MAP3K7CL: variants seen among roughly 807,000 people sequenced by gnomAD.
MAP3K7CL encodes the protein MAP3K7 C-terminal like, also known as MAP3K7 C-terminal-like protein.
In MAP3K7CL, 16 loss-of-function variants were observed where a neutral mutation model predicts 18.6. That is an observed-to-expected ratio of 0.86 (90% CI 0.58 to 1.31). The LOEUF (loss-of-function observed/expected upper bound fraction) is 1.31, where lower values mean the gene tolerates loss of function less well. Among genes scored for constraint, MAP3K7CL ranks in the 50% most tolerant of loss-of-function variants. The probability of loss-of-function intolerance (pLI) is 0.00; values close to 1 mark genes in which losing one functional copy is unlikely to be tolerated. For missense variants in MAP3K7CL, 163 were observed against 174.4 expected, an observed-to-expected ratio of 0.93 and a Z score of 0.37; for synonymous variants, 65 against 66.8, an observed-to-expected ratio of 0.97 and a Z score of 0.13.
intron 4 of MAP3K7CL, among the ~76,000 whole-genome samples, chr21:29,106,568 G>C (rs1442312715): frequency 6.6e-6 from 1 of 152,170 alleles, no homozygotes; most frequent in African/African-American, 2.4e-5. Context: ...CCCTTGCACT[G>C]ATCACAATCT....
chr21:29,173,881 T>C (rs2087903161), intron 4 of MAP3K7CL, among the ~76,000 whole-genome samples: 1 of 152,162 alleles, frequency 6.6e-6, no homozygotes, highest in Admixed American at 6.5e-5. Context: ...TCCCAATTTT[T>C]TGTAGAGATG....
At chr21:29,090,477 T>C (rs572832022) in intron 1 of MAP3K7CL, among the ~76,000 whole-genome samples, 68 of 152,122 alleles carry the variant, frequency 4.5e-4, no homozygotes, top group Non-Finnish European at 8.2e-4. Context: ...GCCTCCTGGG[T>C]TCACGCCATT....
At chr21:29,104,929 A>G (rs1402041343) in intron 4 of MAP3K7CL, among the ~76,000 whole-genome samples, 3 of 152,182 alleles carry the variant, frequency 2.0e-5, no homozygotes, top group Admixed American at 2.0e-4. Context: ...ATAGTTTTTC[A>G]TGAATCACCA....
At chr21:29,084,696 ACT>A (rs920313422), upstream of MAP3K7CL, among the ~76,000 whole-genome samples, 3 of 152,162 alleles carry the variant, frequency 2.0e-5, no homozygotes, top group South Asian at 2.1e-4. Flanking sequence ...CACTCCTCTG[ACT>A]CTATGCCAAA....
chr21:29,159,824 TTAAAAAAA>T (rs1195543671), intron 3 of MAP3K7CL, 109 bp from the exon 4 acceptor site: 1 of 614,834 alleles, frequency 1.6e-6, no homozygotes, highest in African/African-American at 3.7e-5. Context: ...TGTTCTCACG[TTAAAAAAA>T]AAAAAGAAGA....
chr21:29,084,146 G>T (rs1209753137), upstream of MAP3K7CL, among the ~76,000 whole-genome samples: 2 of 150,696 alleles, frequency 1.3e-5, no homozygotes, highest in African/African-American at 2.4e-5. Flanking sequence ...AAAGGGATTA[G>T]CAATTTCACT....
chr21:29,102,168 C>G (rs908592017), intron 4 of MAP3K7CL, among the ~76,000 whole-genome samples: 1 of 152,244 alleles, frequency 6.6e-6, no homozygotes, highest in African/African-American at 2.4e-5. Context: ...CAAAGATTAT[C>G]TCCTTCTTTA....
At chr21:29,118,419 G>T (rs1245605766) in intron 4 of MAP3K7CL, among the ~76,000 whole-genome samples, 3 of 151,446 alleles carry the variant, frequency 2.0e-5, no homozygotes, top group African/African-American at 7.3e-5. Context: ...TTGCATCCCA[G>T]GTTCAATTTA....
intron 4 of MAP3K7CL, among the ~76,000 whole-genome samples, chr21:29,123,865 C>T (rs1300942024): frequency 1.3e-5 from 2 of 151,942 alleles, no homozygotes; most frequent in East Asian, 3.8e-4. Flanking sequence ...CTTAGGATAA[C>T]ATTAAGAAGG....
intron 4 of MAP3K7CL, chr21:29,109,045 C>T: frequency 6.5e-7 from 1 of 1,531,316 alleles, no homozygotes; most frequent in Non-Finnish European, 8.7e-7. Flanking sequence ...ACTAGGTTGA[C>T]ATTCGTAACC....
chr21:29,172,895 G>A lies in MAP3K7CL; in HGVS notation c.249-1817G>A, dbSNP rs1018403658. 6.2e-4 allele frequency among the ~76,000 whole-genome samples: 83 copies of A among 133,262 alleles called. 1 individual carries two copies. Among genetic ancestry groups the A allele is most frequent in the African/African-American group, 2.3e-3 (78 of 34,424 alleles). 87.4% of individuals were successfully genotyped at this position (133,262 alleles called of 152,430 possible). A position where few individuals can be genotyped will look rare whatever the true frequency, so the allele number is the denominator to read the frequency against. On this transcript the variant is annotated intron_variant, in intron 4 of 4. Transcript: ENST00000399928. ...ACAGGCTTATTTCCAATATAAACTT[G>A]AATATTATTGCTTTTCAGGAATATA... is the stretch of plus-strand genomic sequence containing the variant.
intron 3 of MAP3K7CL, chr21:29,092,173 T>C (rs1407083159): frequency 2.3e-6 from 1 of 434,186 alleles, no homozygotes; most frequent in Non-Finnish European, 4.1e-6. Context: ...GCTCTCTTTG[T>C]TTTTATAAGA....
intron 4 of MAP3K7CL, among the ~76,000 whole-genome samples, chr21:29,161,751 G>A (rs1314602033): frequency 6.6e-6 from 1 of 152,112 alleles, no homozygotes; most frequent in Non-Finnish European, 1.5e-5. Context: ...AATATATTTT[G>A]TGTTGAGAAG....
intron 4 of MAP3K7CL, among the ~76,000 whole-genome samples, chr21:29,162,239 T>C (rs1418773055): frequency 6.6e-6 from 1 of 152,080 alleles, no homozygotes; most frequent in Admixed American, 6.6e-5. Context: ...TCAGTAATTA[T>C]GTCTCTATTT....
At chr21:29,090,375 G>A (rs1405508645) in intron 1 of MAP3K7CL, among the ~76,000 whole-genome samples, 5 of 151,854 alleles carry the variant, frequency 3.3e-5, no homozygotes, top group Non-Finnish European at 5.9e-5. Flanking sequence ...TAGCTTCTTT[G>A]TTTTGTTTTG....
chr21:29,153,982 A>G (rs2087340105), intron 3 of MAP3K7CL, among the ~76,000 whole-genome samples: 1 of 152,224 alleles, frequency 6.6e-6, no homozygotes, highest in African/African-American at 2.4e-5. Flanking sequence ...CAGGTATAGG[A>G]CATGATAACT....
chr21:29,087,617 A>C (rs1341990384), intron 1 of MAP3K7CL, among the ~76,000 whole-genome samples: 1 of 131,972 alleles, frequency 7.6e-6, no homozygotes, highest in Non-Finnish European at 1.6e-5. Context: ...TTTTTGAGAC[A>C]GAGTCTTGTT....
chr21:29,109,313 G>C (rs1400172622), intron 4 of MAP3K7CL: 5 of 1,464,498 alleles, frequency 3.4e-6, no homozygotes, highest in African/African-American at 1.4e-5. Context: ...TTAATGCCAT[G>C]ATCACTATTC....
intron 4 of MAP3K7CL, among the ~76,000 whole-genome samples, chr21:29,167,989 C>T (rs1433495873): frequency 6.6e-6 from 1 of 151,946 alleles, no homozygotes; most frequent in Non-Finnish European, 1.5e-5. Context: ...TGAACCACCA[C>T]GCCCGGCAGA....
Sources: gnomAD v4.1 joint callset for allele counts (sites outside exome capture counted in the v4.1 genomes callset) on GRCh38, gnomAD v4.1.1 for gene constraint, MANE v1.5 for transcripts, NCBI Gene and HGNC (gene_info 2026-07-23, HGNC 2026-07-21) for gene names.